The following ZMYND15 variants were observed in gnomAD, a reference collection of about 807,000 sequenced individuals.
ZMYND15 encodes zinc finger MYND-type containing 15.
Under a neutral mutation model 81.7 loss-of-function variants are expected in ZMYND15, and 54 were observed. The ratio of observed to expected loss-of-function variants is 0.66; its 90% CI spans 0.53 to 0.83. The LOEUF (loss-of-function observed/expected upper bound fraction) is 0.83. Ranked by LOEUF, ZMYND15 falls within the 40% of genes least tolerant of loss-of-function variation. ZMYND15 has a pLI of 0.00. For missense variants in ZMYND15, 925 were observed against 973.5 expected, an observed-to-expected ratio of 0.95 and a Z score of 0.66; for synonymous variants, 399 against 387.0, an observed-to-expected ratio of 1.03 and a Z score of -0.36.
In ZMYND15 at chr17:4,739,958, C is replaced by G; in HGVS notation, c.-123C>G. 1.0e-6 allele frequency: 1 copy of G among 985,288 alleles called. No homozygotes were observed. The highest frequency in any genetic ancestry group is 1.2e-6 in the Non-Finnish European group (1 of 829,914). The allele number at this position is 985,288 out of a possible 1,614,324, so 61.0% of individuals were successfully genotyped here. On this transcript the variant is annotated 5_prime_UTR_variant, in exon 1 of 14. Transcript: ENST00000433935. The surrounding 1 kb of genome is among the most constrained non-coding windows in gnomAD (Gnocchi z 5.3). ...CCGGGGGGCGTGGCCGCCCGCTGAGCCGGCGAGGGCTCGGGCAGCCCTGAC... is the reference window on the plus strand; with the variant it reads ...CCGGGGGGCGTGGCCGCCCGCTGAGGCGGCGAGGGCTCGGGCAGCCCTGAC...
rs1916555848 is a variant in ZMYND15, at chr17:4,744,082, C to T, written c.1470C>T (p.Val490=). 1 of 1,580,042 alleles carries T rather than the reference C, an allele frequency of 6.3e-7. No individual in the cohort carries two copies. ...CCTACCCGCTGACCGTGTACTACGT[C>T]ATCACCCACCTGGTGCCCCAGTCCT... ...LLTYPLTVYY[V]ITHLVPQSFP... Residue 490 remains valine (V), a synonymous_variant, in exon 8 of 14, where the codon GTC becomes GTT. Transcript: ENST00000433935. The surrounding 1 kb of genome is among the most constrained non-coding windows in gnomAD (Gnocchi z 4.1).
Position 4,744,967 on chromosome 17 carries a change from T to C in ZMYND15, c.1896+39T>C. 1.2e-6 allele frequency: 2 copies of C among 1,612,274 alleles called. No individual in the cohort carries two copies. Among genetic ancestry groups the C allele is most frequent in the Non-Finnish European group, 1.7e-6 (2 of 1,178,504 alleles). ...GCAAAAGGGAACTTCTCTCCCCTCC[T>C]GCCTGGCCCCTCCCCATCTCCTTTT... On this transcript the variant is annotated intron_variant, in intron 12 of 13. Transcript: ENST00000433935. The surrounding 1 kb of genome is among the most constrained non-coding windows in gnomAD (Gnocchi z 4.1).
At position 4,742,387 on chromosome 17, in the gene ZMYND15, A is replaced by G. The variant is rs765460400; in HGVS notation, c.1040A>G (p.Gln347Arg). 4 of 1,614,184 alleles carry G rather than the reference A, an allele frequency of 2.5e-6. No homozygotes were observed. In the Admixed American group the frequency reaches 5.0e-5, roughly 20 times the overall value. The change falls in exon 5 of 14, where the codon CAG becomes CGG. Residue 347 changes from glutamine to arginine, a missense_variant. Coordinates refer to ENST00000433935, the MANE Select transcript of ZMYND15 (RefSeq NM_001136046.3). ...CGEACLRADWQRCPDDVSHRF... is the reference protein window; with the variant it reads ...CGEACLRADWRRCPDDVSHRF... ...GAGGCTTGTCTCCGGGCTGACTGGC[A>G]GCGGTGCCCAGATGATGTGAGTCAC... is the stretch of plus-strand genomic sequence containing the variant.
chr17:4,740,254 G>A, intron 1 of ZMYND15: 1 of 598,664 alleles, frequency 1.7e-6, no homozygotes, highest in East Asian at 5.1e-5. Context: ...TTGAGGGTGT[G>A]AACTCTCCAA....
rs1392567236 is a variant in ZMYND15 at position 4,743,252 on chromosome 17, T to C, written c.1145-51T>C. The C allele has an allele frequency of 5.6e-6, 8 of 1,415,950 alleles. No homozygotes were observed. The highest frequency in any genetic ancestry group is 4.7e-5 in the Admixed American group (2 of 42,638). 87.7% of individuals were successfully genotyped at this position (1,415,950 alleles called of 1,614,324 possible). On this transcript the variant is annotated intron_variant, in intron 5 of 13. Coordinates refer to ENST00000433935, the MANE Select transcript of ZMYND15 (RefSeq NM_001136046.3). The surrounding 1 kb of genome is among the most constrained non-coding windows in gnomAD (Gnocchi z 4.3). Reference sequence around the variant, plus strand: ...AGACTCTGTCTCAAAAAAAAAAAAATGTCTGGGGTTCTAGCCCAGCACCTC... The same window carrying C: ...AGACTCTGTCTCAAAAAAAAAAAAACGTCTGGGGTTCTAGCCCAGCACCTC...
chr17:4,743,345 C>T lies in ZMYND15; in HGVS notation c.1187C>T (p.Ser396Phe). Reference sequence around the variant, plus strand: ...TTCAACAAAGAGGCCTTCCTGGCCTCTCGGGGCCTCACTCGTGGCTATTGG... The same window carrying T: ...TTCAACAAAGAGGCCTTCCTGGCCTTTCGGGGCCTCACTCGTGGCTATTGG... ...ETFNKEAFLA[S>F]RGLTRGYWTQ... Residue 396 changes from serine to phenylalanine, a missense_variant, in exon 6 of 14, where the codon TCT becomes TTT. Ser to Phe is a radical substitution (Grantham distance 155). Transcript: ENST00000433935. This position sits in a 1 kb window ranked among gnomAD's most constrained non-coding sequence, Gnocchi z 4.3. 6.2e-7 allele frequency: 1 copy of T among 1,614,152 alleles called. No homozygotes were observed. The highest frequency in any genetic ancestry group is 8.5e-7 in the Non-Finnish European group (1 of 1,180,028).
chr17:4,740,881 TGGGGAGGAA>T lies in ZMYND15; in HGVS notation c.342_350del (p.Gly115_Glu117del). 1.9e-6 allele frequency: 3 copies of T among 1,576,544 alleles called. No individual in the cohort carries two copies. The highest frequency in any genetic ancestry group is 2.6e-6 in the Non-Finnish European group (3 of 1,159,186). ...ACATCAGCTTTGTCAGCCTAGAGGA[TGGGGAGGAA>T]GGGGAGGAGGAAGAGGAGGAAGATG... is the stretch of plus-strand genomic sequence containing the variant. On this transcript the variant is annotated inframe_deletion, in exon 2 of 14. Transcript: ENST00000433935.
In ZMYND15 at chr17:4,741,113, C is replaced by A. The variant is rs1916387678; in HGVS notation, c.565C>A (p.Pro189Thr). ...GGACAGGGTGGAGAACGAAACAAGA[C>A]CCCAGAAGAGGAAGGGACAGAGGAG... The part of the protein sequence containing the change: ...REDRVENETR[P>T]QKRKGQRSEA... The change falls in exon 2 of 14, where the codon CCC (proline) becomes ACC (threonine). Residue 189 changes from proline (P) to threonine (T), a missense_variant. Pro to Thr is a conservative substitution (Grantham distance 38). Coordinates refer to ENST00000433935, the MANE Select transcript of ZMYND15 (RefSeq NM_001136046.3). The A allele has an allele frequency of 6.6e-7, 1 of 1,506,312 alleles. No homozygotes were observed. The highest frequency in any genetic ancestry group is 8.9e-7 in the Non-Finnish European group (1 of 1,121,836). 93.3% of individuals were successfully genotyped at this position (1,506,312 alleles called of 1,614,324 possible).
Position 4,743,777 on chromosome 17 carries a change from C to T in ZMYND15, c.1308C>T (p.Tyr436=), listed in dbSNP as rs373544828. 6.2e-6 allele frequency: 10 copies of T among 1,613,936 alleles called. No individual in the cohort carries two copies. The South Asian group carries it at 9.9e-5, about 16-fold the overall frequency. ...CTTTCATCCTCTCAGGAGACCCCTA[C>T]CAGCTTCTCCAGGGAGACGGGACTG... The part of the protein sequence containing the change: ...SLSLLRGGDP[Y]QLLQGDGTAL... The change falls in exon 7 of 14, where the codon TAC becomes TAT. Residue 436 remains tyrosine, a synonymous_variant. Transcript: ENST00000433935. The surrounding 1 kb of genome is among the most constrained non-coding windows in gnomAD (Gnocchi z 4.3).
At chr17:4,742,834 A>G (rs1271279956) in intron 5 of ZMYND15, among the ~76,000 whole-genome samples, 2 of 152,156 alleles carry the variant, frequency 1.3e-5, no homozygotes, top group African/African-American at 4.8e-5. Flanking sequence ...GAGAAGGCCC[A>G]TGGAATTGTT....
At position 4,744,935 on chromosome 17, in the gene ZMYND15, A is replaced by G. The variant is rs1273017499; in HGVS notation, c.1896+7A>G. 1 of 1,614,036 alleles carries G rather than the reference A, an allele frequency of 6.2e-7. No homozygotes were observed. Among genetic ancestry groups the G allele is most frequent in the East Asian group, 2.2e-5 (1 of 44,866 alleles). ...GTCTCTGCCCCGGTTACAGGTGGGC[A>G]ATGGGGGCAAAAGGGAACTTCTCTC... On this transcript the variant is annotated splice_region_variant and intron_variant, in intron 12 of 13. Transcript: ENST00000433935. This position sits in a 1 kb window ranked among gnomAD's most constrained non-coding sequence, Gnocchi z 4.1.
At position 4,745,800 on chromosome 17, in the gene ZMYND15, G is replaced by A. The variant is rs1323968348; in HGVS notation, c.2058-19G>A. On this transcript the variant is annotated intron_variant, in intron 13 of 13. Coordinates refer to ENST00000433935, the MANE Select transcript of ZMYND15 (RefSeq NM_001136046.3). The surrounding 1 kb of genome is among the most constrained non-coding windows in gnomAD (Gnocchi z 5.2). Reference sequence around the variant, plus strand: ...GAGTCCCGCCCCGTGGTCCCTGACTGCGCCCCGCGCCCCCGCAGGTACTGC... The same window carrying A: ...GAGTCCCGCCCCGTGGTCCCTGACTACGCCCCGCGCCCCCGCAGGTACTGC... 5 of 1,512,528 alleles carry A rather than the reference G, an allele frequency of 3.3e-6. No homozygotes were observed. The highest frequency in any genetic ancestry group is 4.4e-6 in the Non-Finnish European group (5 of 1,126,048). The allele number at this position is 1,512,528 out of a possible 1,614,324, so 93.7% of individuals were successfully genotyped here. A position where few individuals can be genotyped will look rare whatever the true frequency, so the allele number is the denominator to read the frequency against.
Position 4,745,316 on chromosome 17 carries a change from C to G in ZMYND15, c.1998C>G (p.Pro666=). Reference sequence around the variant, plus strand: ...CCACTGGAGGGGGCACCAGCCCTCCCCAGCCCAACCCCTTCCGCTCCCCCT... The same window carrying G: ...CCACTGGAGGGGGCACCAGCCCTCCGCAGCCCAACCCCTTCCGCTCCCCCT... ...AVATGGGTSP[P]QPNPFRSPFR... is the part of the protein sequence containing the mutation. The change falls in exon 13 of 14, where the codon CCC becomes CCG. Residue 666 remains proline, a synonymous_variant. Transcript: ENST00000433935. The surrounding 1 kb of genome is among the most constrained non-coding windows in gnomAD (Gnocchi z 5.2). 1 of 1,613,074 alleles carries G rather than the reference C, an allele frequency of 6.2e-7. No homozygotes were observed. The highest frequency in any genetic ancestry group is 1.3e-5 in the African/African-American group (1 of 74,962).
At position 4,743,251 on chromosome 17, in the gene ZMYND15, A is replaced by G. The variant is rs954731641; in HGVS notation, c.1145-52A>G. On this transcript the variant is annotated intron_variant, in intron 5 of 13. Transcript: ENST00000433935. This position sits in a 1 kb window ranked among gnomAD's most constrained non-coding sequence, Gnocchi z 4.3. ...AAGACTCTGTCTCAAAAAAAAAAAA[A>G]TGTCTGGGGTTCTAGCCCAGCACCT... The G allele has an allele frequency of 6.7e-6, 10 of 1,487,102 alleles. No individual in the cohort carries two copies. In the African/African-American group the frequency reaches 1.1e-4, roughly 17 times the overall value. 92.1% of individuals were successfully genotyped at this position (1,487,102 alleles called of 1,614,324 possible).
Position 4,743,565 on chromosome 17 carries a change from A to G in ZMYND15, c.1297+110A>G. 2.0e-6 allele frequency: 3 copies of G among 1,488,552 alleles called. No individual in the cohort carries two copies. The highest frequency in any genetic ancestry group is 2.7e-6 in the Non-Finnish European group (3 of 1,104,426). The allele number at this position is 1,488,552 out of a possible 1,614,324, so 92.2% of individuals were successfully genotyped here. On this transcript the variant is annotated intron_variant, in intron 6 of 13. Coordinates refer to ENST00000433935, the MANE Select transcript of ZMYND15 (RefSeq NM_001136046.3). The surrounding 1 kb of genome is among the most constrained non-coding windows in gnomAD (Gnocchi z 4.3). ...CACATACACACTGACCCCTACCAAC[A>G]GCACCAGGGCCATTTCAGGCCTTTC...
In ZMYND15 at chr17:4,744,901, G is replaced by C; in HGVS notation, c.1869G>C (p.Thr623=). The change falls in exon 12 of 14, where the codon ACG becomes ACC. Residue 623 remains threonine, a synonymous_variant. Coordinates refer to ENST00000433935, the MANE Select transcript of ZMYND15 (RefSeq NM_001136046.3). This position sits in a 1 kb window ranked among gnomAD's most constrained non-coding sequence, Gnocchi z 4.1. ...GFNSGFALKD[T]WLRSLPRLQS... is the part of the protein sequence containing the mutation. ...ACTCCGGGTTTGCTCTCAAGGATAC[G>C]TGGCTGAGGTCTCTGCCCCGGTTAC... 1 of 1,614,116 alleles carries C rather than the reference G, an allele frequency of 6.2e-7. No individual in the cohort carries two copies. Among genetic ancestry groups the C allele is most frequent in the Non-Finnish European group, 8.5e-7 (1 of 1,180,010 alleles).
In ZMYND15 at chr17:4,742,012, C is replaced by T. The variant is rs550882839; in HGVS notation, c.925C>T (p.Arg309Cys). The change falls in exon 4 of 14, where the codon CGT becomes TGT. Residue 309 changes from arginine (R) to cysteine (C), a missense_variant. Coordinates refer to ENST00000433935, the MANE Select transcript of ZMYND15 (RefSeq NM_001136046.3). ...PRPGFTFASL[R>C]ARTCHVCHRH... ...GCCAGGCTTCACCTTTGCTTCCCTTCGTGCTCGAACCTGCCATGTGTGTCA... is the reference window on the plus strand; with the variant it reads ...GCCAGGCTTCACCTTTGCTTCCCTTTGTGCTCGAACCTGCCATGTGTGTCA... 3.5e-5 allele frequency: 57 copies of T among 1,614,054 alleles called. No homozygotes were observed. Among genetic ancestry groups the T allele is most frequent in the Non-Finnish European group, 4.7e-5 (55 of 1,180,036 alleles).
In ZMYND15 at chr17:4,743,485, C is replaced by T. The variant is rs772765468; in HGVS notation, c.1297+30C>T. ...GTGGGGTCTCTCCAGGCATGGGCCC[C>T]TTGGCCTAGAGGGAAGGACTGGGAA... On this transcript the variant is annotated intron_variant, in intron 6 of 13. Coordinates refer to ENST00000433935, the MANE Select transcript of ZMYND15 (RefSeq NM_001136046.3). This position sits in a 1 kb window ranked among gnomAD's most constrained non-coding sequence, Gnocchi z 4.3. 2.5e-6 allele frequency: 4 copies of T among 1,612,164 alleles called. No homozygotes were observed. The Admixed American group carries it at 5.0e-5, about 20-fold the overall frequency.
Position 4,744,559 on chromosome 17 carries a change from G to C in ZMYND15, c.1684-66G>C, listed in dbSNP as rs1916579390. 3.7e-6 allele frequency: 6 copies of C among 1,601,700 alleles called. No individual in the cohort carries two copies. The highest frequency in any genetic ancestry group is 5.1e-6 in the Non-Finnish European group (6 of 1,173,322). ...CCTTCTGCCCCCCACTCCCCATCTTGCCTGGTGCATCCTCCAGTTCCCTGA... is the reference window on the plus strand; with the variant it reads ...CCTTCTGCCCCCCACTCCCCATCTTCCCTGGTGCATCCTCCAGTTCCCTGA... On this transcript the variant is annotated intron_variant, in intron 10 of 13. Coordinates refer to ENST00000433935, the MANE Select transcript of ZMYND15 (RefSeq NM_001136046.3). The surrounding 1 kb of genome is among the most constrained non-coding windows in gnomAD (Gnocchi z 4.1).
Sources: allele counts gnomAD v4.1 joint callset (sites outside exome capture counted in the v4.1 genomes callset), GRCh38; gene constraint gnomAD v4.1.1; non-coding constraint Gnocchi (gnomAD v3.1); transcripts MANE v1.5; gene names NCBI Gene and HGNC (gene_info 2026-07-23, HGNC 2026-07-21).